Variants in CADM2 observed in about 807,000 individuals in gnomAD.
CADM2 encodes the protein immunoglobulin superfamily member 4D.
In CADM2, 12 loss-of-function variants were observed where a neutral mutation model predicts 49.8. That is an observed-to-expected ratio of 0.24 (90% CI 0.15 to 0.39). The LOEUF (loss-of-function observed/expected upper bound fraction) is 0.39, where lower values mean the gene tolerates loss of function less well. CADM2 is among the 10% of genes least tolerant of loss of function. CADM2 has a pLI of 1.00. For synonymous variants in CADM2, 214 were observed against 175.4 expected, an observed-to-expected ratio of 1.22 and a Z score of -1.74; for missense variants, 378 against 492.3, an observed-to-expected ratio of 0.77 and a Z score of 2.20.
At chr3:85,081,772 C>T (rs971209523) in intron 1 of CADM2, among the ~76,000 whole-genome samples, 5 of 152,056 alleles carry the variant, frequency 3.3e-5, no homozygotes, top group South Asian at 4.2e-4. Flanking sequence ...AAAGCTGACA[C>T]GTGGGATATT....
At chr3:86,042,804 G>T (rs1375461954) in intron 8 of CADM2, among the ~76,000 whole-genome samples, 1 of 152,102 alleles carries the variant, frequency 6.6e-6, no homozygotes, top group Non-Finnish European at 1.5e-5. Context: ...CAATATCCCT[G>T]ATAACCATCA....
At chr3:85,977,670 T>C (rs1242909048) in intron 8 of CADM2, among the ~76,000 whole-genome samples, 2 of 151,628 alleles carry the variant, frequency 1.3e-5, no homozygotes, top group African/African-American at 2.4e-5. Context: ...ATACATAATC[T>C]TTCTTCATTT....
intron 8 of CADM2, among the ~76,000 whole-genome samples, chr3:85,978,978 T>C (rs1727132169): frequency 1.3e-5 from 2 of 151,638 alleles, no homozygotes; most frequent in South Asian, 2.1e-4. Context: ...TTGCTTTGTG[T>C]TGGAGCATGA....
At chr3:85,560,116 T>C (rs752574972) in intron 1 of CADM2, among the ~76,000 whole-genome samples, 1 of 152,094 alleles carries the variant, frequency 6.6e-6, no homozygotes, top group Non-Finnish European at 1.5e-5. Flanking sequence ...AGGAAAATTA[T>C]AGAAAAAAAA....
intron 1 of CADM2, among the ~76,000 whole-genome samples, chr3:85,699,322 G>T (rs988319064): frequency 2.6e-5 from 4 of 152,122 alleles, no homozygotes; most frequent in Non-Finnish European, 5.9e-5. Context: ...CCTTCTCACA[G>T]CTCCACTAGA....
intron 1 of CADM2, among the ~76,000 whole-genome samples, chr3:85,704,174 C>G (rs1186841391): frequency 6.6e-6 from 1 of 152,144 alleles, no homozygotes. Context: ...CTAAAAATCT[C>G]TAACAACATC....
At chr3:85,772,848 A>G (rs190562412) in intron 2 of CADM2, among the ~76,000 whole-genome samples, 32 of 151,012 alleles carry the variant, frequency 2.1e-4, no homozygotes, top group African/African-American at 7.5e-4. Context: ...GGTGTACAGT[A>G]ACTCAGATCT....
At chr3:85,405,587 A>G (rs1384526292) in intron 1 of CADM2, among the ~76,000 whole-genome samples, 1 of 152,144 alleles carries the variant, frequency 6.6e-6, no homozygotes. Context: ...AAGTAATTCA[A>G]AGATTTATTT....
In CADM2 at chr3:85,734,756, A is replaced by G. The variant is rs553435681; in HGVS notation, c.88+8208A>G. Among the ~76,000 whole-genome samples the G allele has an allele frequency of 2.2e-3, 328 of 148,238 alleles. 1 individual carries two copies. The highest frequency in any genetic ancestry group is 7.7e-3 in the African/African-American group (314 of 40,808). On this transcript the variant is annotated intron_variant, in intron 2 of 9. Coordinates refer to ENST00000383699, the MANE Select transcript of CADM2 (RefSeq NM_001167675.2). The stretch of plus-strand genomic sequence containing the variant: ...ATAATATGTATACATACATATATGT[A>G]TATATACATATACATAACTCACCAT...
intron 1 of CADM2, among the ~76,000 whole-genome samples, chr3:84,986,515 G>C (rs9848972): frequency 1.7e-4 from 26 of 152,006 alleles, no homozygotes; most frequent in African/African-American, 5.5e-4. Context: ...TTTTAAATTA[G>C]AGAGCAGACA....
intron 1 of CADM2, among the ~76,000 whole-genome samples, chr3:85,098,850 G>A (rs1397806097): frequency 6.6e-6 from 1 of 152,176 alleles, no homozygotes; most frequent in East Asian, 1.9e-4. Flanking sequence ...GAGCCATGCA[G>A]TTCAAACCTG....
chr3:85,535,731 C>T (rs2061409175), intron 1 of CADM2, among the ~76,000 whole-genome samples: 1 of 152,056 alleles, frequency 6.6e-6, no homozygotes, highest in East Asian at 1.9e-4. Context: ...TTCCTTCTGT[C>T]CACTGACTCT....
chr3:85,809,790 C>CTCTCTCTCTTTCTT (rs1553690315), intron 3 of CADM2, among the ~76,000 whole-genome samples: 3 of 98,948 alleles, frequency 3.0e-5, no homozygotes, highest in African/African-American at 1.4e-4. Flanking sequence ...CTCTCTCTCT[C>CTCTCTCTCTTTCTT]TCTTTCTTTC....
chr3:85,934,787 A>C (rs139871955), intron 6 of CADM2, among the ~76,000 whole-genome samples: 24 of 152,144 alleles, frequency 1.6e-4, no homozygotes, highest in African/African-American at 5.3e-4. Context: ...AATGTATATA[A>C]TAACAGTGCA....
chr3:86,012,665 G>C (rs1278544587), intron 8 of CADM2: 5 of 1,395,842 alleles, frequency 3.6e-6, no homozygotes. Context: ...GGAGTGGGTG[G>C]AGAATTGTAG....
At chr3:85,314,927 T>C (rs924643167) in intron 1 of CADM2, among the ~76,000 whole-genome samples, 3 of 152,234 alleles carry the variant, frequency 2.0e-5, no homozygotes, top group African/African-American at 7.2e-5. Context: ...AGGGCTGTTC[T>C]AACAATTACC....
At chr3:85,603,868 T>C (rs2063483393) in intron 1 of CADM2, among the ~76,000 whole-genome samples, 1 of 152,016 alleles carries the variant, frequency 6.6e-6, no homozygotes, top group African/African-American at 2.4e-5. Context: ...TTTGCTAACT[T>C]CTTATCTTCA....
intron 1 of CADM2, among the ~76,000 whole-genome samples, chr3:85,611,836 A>G (rs1014395661): frequency 5.9e-5 from 9 of 151,840 alleles, no homozygotes; most frequent in Non-Finnish European, 1.2e-4. Flanking sequence ...AGAGAGCAGA[A>G]AGATGTGGCA....
chr3:85,148,457 A>T (rs559172749), intron 1 of CADM2, among the ~76,000 whole-genome samples: 1 of 152,348 alleles, frequency 6.6e-6, no homozygotes, highest in Admixed American at 6.5e-5. Context: ...CAGAAATTAG[A>T]ATTGTTGGAC....
Sources: allele counts gnomAD v4.1 joint callset (sites outside exome capture counted in the v4.1 genomes callset), GRCh38; gene constraint gnomAD v4.1.1; transcripts MANE v1.5; gene names NCBI Gene and HGNC (gene_info 2026-07-23, HGNC 2026-07-21).